DOCK10: variants seen among roughly 807,000 people sequenced by gnomAD.
The protein encoded by DOCK10 is dedicator of cytokinesis 10, also known as dedicator of cytokinesis protein 10.
Under a neutral mutation model 280.1 loss-of-function variants are expected in DOCK10, and 145 were observed. The observed-to-expected ratio is 0.52, with a 90% CI of 0.45 to 0.59. DOCK10 has a LOEUF of 0.59. Among genes scored for constraint, DOCK10 ranks in the 20% least tolerant of loss-of-function variants. The pLI is 0.00. For missense variants in DOCK10, 2,368 were observed against 2,651.7 expected, an observed-to-expected ratio of 0.89 and a Z score of 2.35; for synonymous variants, 915 against 942.2, an observed-to-expected ratio of 0.97 and a Z score of 0.53.
rs367785024 is a variant in DOCK10, at chr2:224,775,056, C to T, written c.5862G>A (p.Pro1954=). The change falls in exon 52 of 56, where the codon CCG becomes CCA. Residue 1954 remains proline (P), a synonymous_variant. Transcript: ENST00000258390. ...CTTCGATTTCCTTTTCCTCAAAGAA[C>T]GGCGTCACATAGGTCACCTGGATGT... ...YAYIQVTYVT[P]FFEEKEIEDR... The T allele has an allele frequency of 4.3e-5, 70 of 1,613,922 alleles. No homozygotes were observed. Among genetic ancestry groups the T allele is most frequent in the Middle Eastern group, 3.3e-4 (2 of 6,084 alleles).
intron 1 of DOCK10, among the ~76,000 whole-genome samples, chr2:224,966,729 G>T (rs761948755): frequency 8.5e-5 from 13 of 152,176 alleles, no homozygotes; most frequent in Admixed American, 6.5e-5. Context: ...GACAAAGAGA[G>T]TAATGGGCTA....
At chr2:224,774,775 T>A (rs1690713222) in intron 52 of DOCK10, 130 bp downstream of exon 52, 1 of 805,558 alleles carries the variant, frequency 1.2e-6, no homozygotes, top group South Asian at 1.7e-5. Flanking sequence ...TGGCAAACAT[T>A]TCCCAGTTAG....
At chr2:224,817,131 AG>A (rs1694180289) in intron 29 of DOCK10, among the ~76,000 whole-genome samples, 1 of 152,264 alleles carries the variant, frequency 6.6e-6, no homozygotes, top group African/African-American at 2.4e-5. Context: ...TCCAGAGCTA[AG>A]GAAGACAATG....
Position 224,805,986 on chromosome 2 carries a change from C to A in DOCK10, c.3814+140G>T. 1.8e-6 allele frequency: 1 copy of A among 563,422 alleles called. No homozygotes were observed. The allele number at this position is 563,422 out of a possible 1,614,324, so 34.9% of individuals were successfully genotyped here. ...GAATTCAAAGAAATATGTAAAAAGACTCTTTGGTTGTATAAATGTAGTATA... is the reference window on the plus strand; with the variant it reads ...GAATTCAAAGAAATATGTAAAAAGAATCTTTGGTTGTATAAATGTAGTATA... On this transcript the variant is annotated intron_variant, in intron 34 of 55. Coordinates refer to ENST00000258390, the MANE Select transcript of DOCK10 (RefSeq NM_014689.3). The surrounding 1 kb of genome is among the most constrained non-coding windows in gnomAD (Gnocchi z 4.3).
At chr2:225,027,922 T>A (rs1575173965) in intron 1 of DOCK10, among the ~76,000 whole-genome samples, 1 of 152,212 alleles carries the variant, frequency 6.6e-6, no homozygotes, top group Non-Finnish European at 1.5e-5. Context: ...AGGGTTAGAT[T>A]TAAGAACTGT....
intron 1 of DOCK10, among the ~76,000 whole-genome samples, chr2:224,956,880 C>A (rs942548557): frequency 6.6e-6 from 1 of 152,146 alleles, no homozygotes; most frequent in African/African-American, 2.4e-5. Context: ...ATTAACTAAC[C>A]AGCTGGATCA....
intron 26 of DOCK10, among the ~76,000 whole-genome samples, chr2:224,831,127 G>T (rs1266340214): frequency 6.6e-6 from 1 of 151,886 alleles, no homozygotes; most frequent in Non-Finnish European, 1.5e-5. Context: ...TAGAGACAGG[G>T]TTTTACCATG....
chr2:225,009,655 A>AGGAC (rs1689381017), intron 1 of DOCK10, among the ~76,000 whole-genome samples: 9 of 127,610 alleles, frequency 7.1e-5, no homozygotes, highest in African/African-American at 2.4e-4. Context: ...AAAAAAAGAA[A>AGGAC]GAAAAAAGAA....
At chr2:225,036,604 G>A (rs1690265930) in intron 1 of DOCK10, among the ~76,000 whole-genome samples, 1 of 152,094 alleles carries the variant, frequency 6.6e-6, no homozygotes, top group South Asian at 2.1e-4. Flanking sequence ...ATCTAATGTT[G>A]CTGGTCCTTG....
intron 26 of DOCK10, among the ~76,000 whole-genome samples, chr2:224,832,227 G>A (rs771355867): frequency 3.3e-5 from 5 of 152,258 alleles, no homozygotes; most frequent in Non-Finnish European, 7.4e-5. Context: ...GGGATATTTA[G>A]TTCATCTGGC....
At chr2:224,987,411 T>C (rs935133133) in intron 1 of DOCK10, among the ~76,000 whole-genome samples, 34 of 152,218 alleles carry the variant, frequency 2.2e-4, no homozygotes, top group African/African-American at 8.0e-4. Flanking sequence ...AGTAACTGGA[T>C]AACTGCCCTT....
At chr2:224,945,519 A>G (rs1703355589) in intron 1 of DOCK10, among the ~76,000 whole-genome samples, 2 of 152,146 alleles carry the variant, frequency 1.3e-5, no homozygotes, top group Admixed American at 6.5e-5. Context: ...AAACTGAACA[A>G]ACAACAACAC....
chr2:225,018,527 T>A (rs10179328), intron 1 of DOCK10, among the ~76,000 whole-genome samples: 1 of 34,570 alleles, frequency 2.9e-5, no homozygotes, highest in African/African-American at 9.4e-5. Context: ...ATATATATAA[T>A]ATATATGTAA....
At chr2:224,780,352 CA>C (rs1211401286) in intron 50 of DOCK10, among the ~76,000 whole-genome samples, 1 of 152,106 alleles carries the variant, frequency 6.6e-6, no homozygotes, top group Non-Finnish European at 1.5e-5. Context: ...TTAGTGGCTA[CA>C]ATTGACAGAC....
At chr2:224,883,587 C>G (rs1327399515) in intron 7 of DOCK10, among the ~76,000 whole-genome samples, 1 of 152,148 alleles carries the variant, frequency 6.6e-6, no homozygotes, top group Non-Finnish European at 1.5e-5. Context: ...AGATGAGGAA[C>G]CTGAGATCAA....
chr2:224,909,448 A>T (rs1700873910), intron 3 of DOCK10, among the ~76,000 whole-genome samples: 1 of 152,216 alleles, frequency 6.6e-6, no homozygotes. Context: ...CTATTTAAAG[A>T]TGGAAAAACT....
intron 1 of DOCK10, among the ~76,000 whole-genome samples, chr2:224,990,085 A>G (rs1411221553): frequency 1.3e-5 from 2 of 151,894 alleles, no homozygotes; most frequent in African/African-American, 4.8e-5. Context: ...CTTTATTTTC[A>G]TTTTTCTACC....
chr2:224,857,216 A>G (rs781664712), intron 14 of DOCK10, among the ~76,000 whole-genome samples: 15 of 152,234 alleles, frequency 9.9e-5, no homozygotes, highest in Non-Finnish European at 1.8e-4. Context: ...TATTACAACT[A>G]TATTTTTTAT....
Position 225,042,375 on chromosome 2 carries a change from C to T in DOCK10, c.-1G>A, listed in dbSNP as rs1053203000. 4.0e-6 allele frequency: 5 copies of T among 1,253,288 alleles called. No homozygotes were observed. Among genetic ancestry groups the T allele is most frequent in the Admixed American group, 4.2e-5 (1 of 23,706 alleles). The allele number at this position is 1,253,288 out of a possible 1,614,324, so 77.6% of individuals were successfully genotyped here. A position where few individuals can be genotyped will look rare whatever the true frequency, so the allele number is the denominator to read the frequency against. ...ACCTGCGGGTCCGCTCACCGGCCAT[C>T]GCCGGTCACGCCAATCGCGCCGCGG... On this transcript the variant is annotated 5_prime_UTR_variant, in exon 1 of 56. Transcript: ENST00000258390. The surrounding 1 kb of genome is among the most constrained non-coding windows in gnomAD (Gnocchi z 5.1).
Sources: allele counts gnomAD v4.1 joint callset (sites outside exome capture counted in the v4.1 genomes callset), GRCh38; gene constraint gnomAD v4.1.1; non-coding constraint Gnocchi (gnomAD v3.1); transcripts MANE v1.5; gene names NCBI Gene and HGNC (gene_info 2026-07-23, HGNC 2026-07-21).